The following TRAPPC11 variants were observed in gnomAD, a reference collection of about 807,000 sequenced individuals.
The protein encoded by TRAPPC11 is foie gras homolog.
A neutral mutation model predicts 151.2 loss-of-function variants in TRAPPC11; 104 were observed. The observed-to-expected ratio is 0.69, with a 90% CI of 0.59 to 0.81. The LOEUF (loss-of-function observed/expected upper bound fraction) is 0.81, where lower values mean the gene tolerates loss of function less well. Among genes scored for constraint, TRAPPC11 ranks in the 30% least tolerant of loss-of-function variants. The pLI is 0.00. For synonymous variants in TRAPPC11, 456 were observed against 472.3 expected, an observed-to-expected ratio of 0.97 and a Z score of 0.45; for missense variants, 1,230 against 1,349.6, an observed-to-expected ratio of 0.91 and a Z score of 1.39.
Position 183,697,760 on chromosome 4 carries a change from A to G in TRAPPC11, c.2776A>G (p.Thr926Ala), listed in dbSNP as rs1219763538. The G allele has an allele frequency of 6.2e-7, 1 of 1,614,100 alleles. No individual in the cohort carries two copies. Residue 926 changes from threonine (T) to alanine (A), a missense_variant, in exon 25 of 30, where the codon ACT (threonine) becomes GCT (alanine). Thr to Ala is a moderately conservative substitution (Grantham distance 58). Coordinates refer to ENST00000334690, the MANE Select transcript of TRAPPC11 (RefSeq NM_021942.6). ...CTTAAGTGCCTCACCCTGGGCCCTC[A>G]CTATTGTTTCCAGTGAGCTCCAGCT... is the stretch of plus-strand genomic sequence containing the variant. Reference protein sequence around the residue: ...DLLSASPWALTIVSSELQLAP... With the variant: ...DLLSASPWALAIVSSELQLAP...
chr4:183,683,329 C>T (rs1735792260), intron 11 of TRAPPC11, among the ~76,000 whole-genome samples: 1 of 152,104 alleles, frequency 6.6e-6, no homozygotes, highest in African/African-American at 2.4e-5. Flanking sequence ...TTTTTTAATA[C>T]TTTATACGTA....
At chr4:183,676,264 C>T (rs10014592) in intron 7 of TRAPPC11, among the ~76,000 whole-genome samples, 2,037 of 152,010 alleles carry the variant, frequency 0.013, 43 homozygotes, top group African/African-American at 0.046. Context: ...ATTCTCCTGT[C>T]TCAGCCTCCC....
chr4:183,683,943 G>A, intron 11 of TRAPPC11, 32 bp from the exon 12 acceptor site: 1 of 1,562,376 alleles, frequency 6.4e-7, no homozygotes, highest in Non-Finnish European at 8.8e-7. Flanking sequence ...TAAATGAGCT[G>A]TCTAAAATGA....
intron 29 of TRAPPC11, among the ~76,000 whole-genome samples, chr4:183,710,602 A>T (rs971322124): frequency 6.6e-6 from 1 of 151,854 alleles, no homozygotes; most frequent in Non-Finnish European, 1.5e-5. Context: ...TTTTAACATG[A>T]CTAGCATGCC....
intron 5 of TRAPPC11, 61 bp downstream of exon 5, chr4:183,668,178 G>A: frequency 1.1e-6 from 1 of 904,732 alleles, no homozygotes; most frequent in Non-Finnish European, 1.7e-6. Flanking sequence ...GAAATTGGTA[G>A]CTTAGACCCA....
At position 183,691,393 on chromosome 4, in the gene TRAPPC11, G is replaced by T. The variant is rs766280108; in HGVS notation, c.1971G>T (p.Met657Ile). 6.4e-7 allele frequency: 1 copy of T among 1,565,752 alleles called. No individual in the cohort carries two copies. Residue 657 changes from methionine to isoleucine, a missense_variant, in exon 19 of 30, where the codon ATG becomes ATT. Physicochemically the swap from Met to Ile is conservative, Grantham distance 10 (BLOSUM62 1). Coordinates refer to ENST00000334690, the MANE Select transcript of TRAPPC11 (RefSeq NM_021942.6). ...EVLENLTQGK[M>I]CLVPGKTRKL... is the part of the protein sequence containing the mutation. ...TAGAAAATCTGACTCAAGGAAAGATGTGCCTAGTTCCTGGCAAAACAAGAA... is the reference window on the plus strand; with the variant it reads ...TAGAAAATCTGACTCAAGGAAAGATTTGCCTAGTTCCTGGCAAAACAAGAA...
chr4:183,695,065 C>T (rs1367473190), intron 23 of TRAPPC11, among the ~76,000 whole-genome samples: 2 of 151,350 alleles, frequency 1.3e-5, no homozygotes, highest in Admixed American at 1.3e-4. Context: ...TCTCCTGCCT[C>T]AGCCTCCCGA....
chr4:183,708,499 C>A lies in TRAPPC11; in HGVS notation c.3282C>A (p.Asn1094Lys). The change falls in exon 29 of 30, where the codon AAC becomes AAA. Residue 1094 changes from asparagine (N) to lysine (K), a missense_variant. Asn to Lys is a moderately conservative substitution (Grantham distance 94). Coordinates refer to ENST00000334690, the MANE Select transcript of TRAPPC11 (RefSeq NM_021942.6). ...GATACCAGCAGCTGCCATCTCTCAA[C>A]ATCAACTTGCTTAGATTTCCTAACT... ...MAGYQQLPSL[N>K]INLLRFPNFT... 1 of 1,614,108 alleles carries A rather than the reference C, an allele frequency of 6.2e-7. No individual in the cohort carries two copies. Among genetic ancestry groups the A allele is most frequent in the Non-Finnish European group, 8.5e-7 (1 of 1,179,972 alleles).
chr4:183,712,474 A>G (rs1304686802), intron 29 of TRAPPC11, 126 bp from the exon 30 acceptor site: 10 of 930,778 alleles, frequency 1.1e-5, no homozygotes, highest in Non-Finnish European at 1.7e-5. Context: ...TTTTATTTTG[A>G]TGCTTACACT....
chr4:183,685,655 T>G (rs1229648207), intron 17 of TRAPPC11, among the ~76,000 whole-genome samples: 2 of 152,164 alleles, frequency 1.3e-5, no homozygotes, highest in African/African-American at 4.8e-5. Context: ...ACCTGACAGT[T>G]ATTTAAAAGG....
At chr4:183,661,361 C>CTTTTTTTTTTTTTTTTTTTTTT (rs139201416) in intron 1 of TRAPPC11, among the ~76,000 whole-genome samples, 2 of 79,394 alleles carry the variant, frequency 2.5e-5, no homozygotes, top group Non-Finnish European at 4.5e-5. Context: ...TGTAGATTAC[C>CTTTTTTTTTTTTTTTTTTTTTT]TTTTTTTTTT....
At position 183,693,949 on chromosome 4, in the gene TRAPPC11, G is replaced by A. The variant is rs139113789; in HGVS notation, c.2419G>A (p.Val807Met). The A allele has an allele frequency of 3.2e-4, 523 of 1,613,832 alleles. 2 individuals are homozygous for A. Among genetic ancestry groups the A allele is most frequent in the South Asian group, 1.0e-3 (91 of 91,060 alleles). The change falls in exon 22 of 30, where the codon GTG (valine) becomes ATG (methionine). Residue 807 changes from valine (V) to methionine (M), a missense_variant. By Grantham distance (21) the Val-to-Met change is conservative. Coordinates refer to ENST00000334690, the MANE Select transcript of TRAPPC11 (RefSeq NM_021942.6). ...TGCCAATTTAACTCAGAAGACTCACGTGACTCTTCATGGAACAGAACTGTG... is the reference window on the plus strand; with the variant it reads ...TGCCAATTTAACTCAGAAGACTCACATGACTCTTCATGGAACAGAACTGTG... ...QDANLTQKTH[V>M]TLHGTELCDE...
At chr4:183,699,906 G>A (rs374199365) in intron 25 of TRAPPC11, among the ~76,000 whole-genome samples, 3 of 151,640 alleles carry the variant, frequency 2.0e-5, no homozygotes, top group Admixed American at 6.6e-5. Context: ...CTTACTGCAA[G>A]CTCTGCCTCC....
chr4:183,697,882 C>CGT lies in TRAPPC11; in HGVS notation c.2851+62_2851+63dup, dbSNP rs111781155. On this transcript the variant is annotated intron_variant, in intron 25 of 29. Coordinates refer to ENST00000334690, the MANE Select transcript of TRAPPC11 (RefSeq NM_021942.6). ...TTAAAGACCAGGAGAATTGTGCGCG[C>CGT]GTGTGTGTGTGTGTGTATAAGCTGG... 3.2e-3 allele frequency: 3,280 copies of CGT among 1,031,492 alleles called. 2 individuals carry two copies. Among genetic ancestry groups the CGT allele is most frequent in the African/African-American group, 4.9e-3 (226 of 46,424 alleles). The allele number at this position is 1,031,492 out of a possible 1,614,324, so 63.9% of individuals were successfully genotyped here. A position where few individuals can be genotyped will look rare whatever the true frequency, so the allele number is the denominator to read the frequency against.
At chr4:183,683,742 T>C in intron 11 of TRAPPC11, 1 of 526,740 alleles carries the variant, frequency 1.9e-6, no homozygotes, top group Middle Eastern at 5.1e-4. Context: ...TTTCAGATCG[T>C]TGATTCCAGT....
At chr4:183,690,465 A>G (rs1736206022) in intron 18 of TRAPPC11, among the ~76,000 whole-genome samples, 2 of 152,228 alleles carry the variant, frequency 1.3e-5, no homozygotes, top group East Asian at 1.9e-4. Flanking sequence ...CTGGGAAGGC[A>G]GATGCACATT....
At position 183,697,511 on chromosome 4, in the gene TRAPPC11, T is replaced by C. The variant is rs148799732; in HGVS notation, c.2637T>C (p.Thr879=). The C allele has an allele frequency of 6.3e-7, 1 of 1,598,540 alleles. No homozygotes were observed. Among genetic ancestry groups the C allele is most frequent in the East Asian group, 2.2e-5 (1 of 44,840 alleles). ...EIVCKCHKDE[T]VTIETVFPFD... ...TTTACATTTTCTTGCAGGATGAAAC[T>C]GTAACAATTGAAACAGTCTTTCCAT... The change falls in exon 24 of 30, where the codon ACT becomes ACC. Residue 879 remains threonine, a synonymous_variant. Coordinates refer to ENST00000334690, the MANE Select transcript of TRAPPC11 (RefSeq NM_021942.6).
At chr4:183,669,481 C>T (rs1298642533) in intron 5 of TRAPPC11, among the ~76,000 whole-genome samples, 1 of 152,136 alleles carries the variant, frequency 6.6e-6, no homozygotes, top group Non-Finnish European at 1.5e-5. Flanking sequence ...TAGTCATGCC[C>T]ACCTGCCAGC....
intron 10 of TRAPPC11, among the ~76,000 whole-genome samples, chr4:183,681,033 G>A (rs974484410): frequency 5.3e-5 from 8 of 151,868 alleles, no homozygotes; most frequent in Non-Finnish European, 1.2e-4. Context: ...GAGGAGTAGT[G>A]TTCATTGCAT....
Sources: gnomAD v4.1 joint callset for allele counts (sites outside exome capture counted in the v4.1 genomes callset) on GRCh38, gnomAD v4.1.1 for gene constraint, MANE v1.5 for transcripts, NCBI Gene and HGNC (gene_info 2026-07-23, HGNC 2026-07-21) for gene names.